The following ADCY3 variants were observed in gnomAD, a reference collection of about 807,000 sequenced individuals.
ADCY3 encodes the protein adenylate cyclase type 3.
Under a neutral mutation model 119.4 loss-of-function variants are expected in ADCY3, and 70 were observed. The ratio of observed to expected loss-of-function variants is 0.59; its 90% confidence interval spans 0.48 to 0.72. ADCY3 has a LOEUF of 0.72. Among genes scored for constraint, ADCY3 ranks in the 30% least tolerant of loss-of-function variants. The pLI is 0.00. For missense variants in ADCY3, 1,238 were observed against 1,541.6 expected (o/e 0.80, Z 3.30); for synonymous variants, 672 against 621.4 (o/e 1.08, Z -1.21).
intron 3 of ADCY3, among the ~76,000 whole-genome samples, chr2:24,866,147 T>G (rs1674259082): frequency 6.6e-6 from 1 of 151,794 alleles, no homozygotes; most frequent in Non-Finnish European, 1.5e-5. Context: ...TGCTGAGGAG[T>G]TCAAGATACC....
At position 24,824,537 on chromosome 2, in the gene ADCY3, C is replaced by G; in HGVS notation, c.2578-1G>C. ...AAAGTGTCCGTGCCAGTTTTTCTAC[C>G]TACAGACACAGACAAGGCGAGGCAT... On this transcript the variant is annotated splice_acceptor_variant, in intron 16 of 21. Transcript: ENST00000679454. LOFTEE classifies it high-confidence loss of function. 6.2e-7 allele frequency: 1 copy of G among 1,614,034 alleles called. No individual in the cohort carries two copies.
chr2:24,829,445 C>T (rs1250119364), intron 13 of ADCY3, among the ~76,000 whole-genome samples: 2 of 80,470 alleles, frequency 2.5e-5, no homozygotes, highest in Non-Finnish European at 4.4e-5. Context: ...TTTTTTGAGA[C>T]AAAGTCTCAC....
intron 16 of ADCY3, 53 bp from the exon 17 acceptor site, chr2:24,824,589 A>C: frequency 6.3e-7 from 1 of 1,589,714 alleles, no homozygotes; most frequent in South Asian, 1.1e-5. Flanking sequence ...ACTGGATAGA[A>C]GGATGAAAAA....
At chr2:24,851,432 G>C (rs1672281520) in intron 3 of ADCY3, among the ~76,000 whole-genome samples, 1 of 152,118 alleles carries the variant, frequency 6.6e-6, no homozygotes, top group African/African-American at 2.4e-5. Context: ...CATCAACCCG[G>C]TATTATTTAT....
chr2:24,820,094 G>A lies in ADCY3; in HGVS notation c.3273C>T (p.Val1091=), dbSNP rs145887939. The change falls in exon 22 of 22, where the codon GTC becomes GTT. Residue 1091 remains valine (V), a synonymous_variant. Coordinates refer to ENST00000679454, the MANE Select transcript of ADCY3 (RefSeq NM_004036.5). The stretch of plus-strand genomic sequence containing the variant: ...AGCGGAAGCCGTACTCTCGGAGGAT[G>A]ACTTGGGTTTCTTCTACCACCTGGA... ...GNIQVVEETQ[V]ILREYGFRFV... The A allele has an allele frequency of 6.5e-7, 1 of 1,548,298 alleles. No individual in the cohort carries two copies. The highest frequency in any genetic ancestry group is 8.7e-7 in the Non-Finnish European group (1 of 1,146,208).
chr2:24,918,445 G>A lies in ADCY3; in HGVS notation c.543C>T (p.Ile181=). The change falls in exon 2 of 22, where the codon ATC becomes ATT. Residue 181 remains isoleucine, a synonymous_variant. Coordinates refer to ENST00000679454, the MANE Select transcript of ADCY3 (RefSeq NM_004036.5). This position sits in a 1 kb window ranked among gnomAD's most constrained non-coding sequence, Gnocchi z 5.4. ...WQVFFVFSFF[I]TLPLSLSPIV... ...TGGGGCTGAGGCTGAGGGGCAGCGT[G>A]ATGAAGAAGGAGAAGACAAAGAAGA... 1.2e-6 allele frequency: 2 copies of A among 1,614,014 alleles called. No individual in the cohort carries two copies. The highest frequency in any genetic ancestry group is 1.7e-6 in the Non-Finnish European group (2 of 1,180,020).
In ADCY3 at chr2:24,843,976, G is replaced by A. The variant is rs570363789; in HGVS notation, c.826-1592C>T. ...TGGTGAAGGATGGTGGGGGGCACTT[G>A]GGGGAGAATCCCAAGTTGAGGTTTT... On this transcript the variant is annotated intron_variant, in intron 3 of 21. Coordinates refer to ENST00000679454, the MANE Select transcript of ADCY3 (RefSeq NM_004036.5). Among the ~76,000 whole-genome samples the A allele has an allele frequency of 3.3e-3, 502 of 152,306 alleles. 6 individuals are homozygous for A. The highest frequency in any genetic ancestry group is 0.011 in the African/African-American group (470 of 41,554).
chr2:24,902,034 CTGTGTGTGTGTG>C (rs57980321), intron 2 of ADCY3, among the ~76,000 whole-genome samples: 64 of 122,332 alleles, frequency 5.2e-4, no homozygotes, highest in East Asian at 3.8e-3. Flanking sequence ...CATTTTAACT[CTGTGTGTGTGTG>C]TGTGTGTGTG....
intron 3 of ADCY3, among the ~76,000 whole-genome samples, chr2:24,847,447 C>T (rs571599992): frequency 1.7e-3 from 256 of 152,296 alleles, no homozygotes; most frequent in African/African-American, 5.1e-3. Context: ...TCACTGTTAA[C>T]CTCAAGCATG....
chr2:24,870,745 C>A (rs977058537), intron 3 of ADCY3, among the ~76,000 whole-genome samples: 1 of 152,200 alleles, frequency 6.6e-6, no homozygotes, highest in African/African-American at 2.4e-5. Flanking sequence ...AGCATATGGC[C>A]CTGGGTGTTA....
At chr2:24,903,285 T>C (rs1194183502) in intron 2 of ADCY3, among the ~76,000 whole-genome samples, 1 of 152,212 alleles carries the variant, frequency 6.6e-6, no homozygotes, top group Non-Finnish European at 1.5e-5. Flanking sequence ...CATCTATCTT[T>C]TGTTGTTATT....
chr2:24,840,616 T>G (rs1221407080), intron 6 of ADCY3: 1 of 445,296 alleles, frequency 2.2e-6, no homozygotes, highest in African/African-American at 2.0e-5. Context: ...GGGAGGGGCC[T>G]CGGCAGGAGC....
rs531757566 is a variant in ADCY3 at position 24,872,041 on chromosome 2, T to C, written c.825+529A>G. The stretch of plus-strand genomic sequence containing the variant: ...AGGGAGGAGCTCCCCTGAGTGGGGG[T>C]GTGAGGCTGACACACTTCACCCAGC... On this transcript the variant is annotated intron_variant, in intron 3 of 21. Coordinates refer to ENST00000679454, the MANE Select transcript of ADCY3 (RefSeq NM_004036.5). This position sits in a 1 kb window ranked among gnomAD's most constrained non-coding sequence, Gnocchi z 4.4. Among the ~76,000 whole-genome samples, 47 of 151,856 alleles carry C rather than the reference T, an allele frequency of 3.1e-4. 1 individual carries two copies. In the South Asian group the frequency reaches 9.6e-3, roughly 31 times the overall value.
At position 24,878,996 on chromosome 2, in the gene ADCY3, G is replaced by A. The variant is rs935040116; in HGVS notation, c.676-6277C>T. Among the ~76,000 whole-genome samples the A allele has an allele frequency of 4.6e-5, 7 of 152,164 alleles. No individual in the cohort carries two copies. The highest frequency in any genetic ancestry group is 2.0e-4 in the Admixed American group (3 of 15,278). On this transcript the variant is annotated intron_variant, in intron 2 of 21. Transcript: ENST00000679454. The surrounding 1 kb of genome is among the most constrained non-coding windows in gnomAD (Gnocchi z 4.0). ...TTTCCCTGCTGGCTCCCCAGCACCC[G>A]GGACTGGCACATAGAAAGCCATAGG... is the stretch of plus-strand genomic sequence containing the variant.
intron 3 of ADCY3, among the ~76,000 whole-genome samples, chr2:24,852,340 G>A (rs555337502): frequency 6.6e-6 from 1 of 152,178 alleles, no homozygotes; most frequent in Non-Finnish European, 1.5e-5. Flanking sequence ...AGGCAGGGGT[G>A]GGGGGTACAG....
chr2:24,872,633 G>C lies in ADCY3; in HGVS notation c.762C>G (p.Ala254=). 1 of 1,614,218 alleles carries C rather than the reference G, an allele frequency of 6.2e-7. No individual in the cohort carries two copies. Among genetic ancestry groups the C allele is most frequent in the Non-Finnish European group, 8.5e-7 (1 of 1,180,034 alleles). ...CCAGCGACTGGCGGGCCTCCAGGAA[G>C]GCCTTGCGGTGCTTGCGGTCAGCCA... is the stretch of plus-strand genomic sequence containing the variant. The part of the protein sequence containing the change: ...YYMADRKHRK[A]FLEARQSLEV... Residue 254 remains alanine (A), a synonymous_variant, in exon 3 of 22, where the codon GCC becomes GCG. Coordinates refer to ENST00000679454, the MANE Select transcript of ADCY3 (RefSeq NM_004036.5). The surrounding 1 kb of genome is among the most constrained non-coding windows in gnomAD (Gnocchi z 4.4).
chr2:24,862,647 G>A (rs550830630), intron 3 of ADCY3, among the ~76,000 whole-genome samples: 3 of 152,202 alleles, frequency 2.0e-5, no homozygotes, highest in African/African-American at 7.2e-5. Flanking sequence ...ACTAGCTAGA[G>A]GTGGTGGTGG....
intron 2 of ADCY3, among the ~76,000 whole-genome samples, chr2:24,880,984 C>T (rs1249287784): frequency 2.0e-5 from 3 of 151,132 alleles, no homozygotes; most frequent in Non-Finnish European, 4.4e-5. Context: ...CACTGCACTC[C>T]AGCCTGGGCA....
At chr2:24,839,172 C>T (rs938796245) in intron 7 of ADCY3, among the ~76,000 whole-genome samples, 1 of 152,112 alleles carries the variant, frequency 6.6e-6, no homozygotes, top group African/African-American at 2.4e-5. Context: ...AAACTCTTGA[C>T]CTCAGGTGAT....
Sources: allele counts gnomAD v4.1 joint callset (sites outside exome capture counted in the v4.1 genomes callset), GRCh38; gene constraint gnomAD v4.1.1; non-coding constraint Gnocchi (gnomAD v3.1); transcripts MANE v1.5; gene names NCBI Gene and HGNC (gene_info 2026-07-23, HGNC 2026-07-21).